PI4KA: variants seen among roughly 807,000 people sequenced by gnomAD.
The protein encoded by PI4KA is phosphatidylinositol 4-kinase alpha, also known as PI4-kinase alpha.
Under a neutral mutation model 271.4 loss-of-function variants are expected in PI4KA, and 122 were observed. That is an observed-to-expected ratio of 0.45 (90% confidence interval 0.39 to 0.52). PI4KA has a LOEUF of 0.52. Ranked by LOEUF, PI4KA falls within the 20% of genes least tolerant of loss-of-function variation. PI4KA has a pLI of 0.00. For missense variants in PI4KA, 1,969 were observed against 2,769.1 expected, an observed-to-expected ratio of 0.71 and a Z score of 6.48; for synonymous variants, 1,041 against 1,078.8, an observed-to-expected ratio of 0.96 and a Z score of 0.69.
At chr22:20,847,080 G>A (rs1246906905) in intron 1 of PI4KA, among the ~76,000 whole-genome samples, 1 of 151,270 alleles carries the variant, frequency 6.6e-6, no homozygotes, top group African/African-American at 2.4e-5. Context: ...CCGAGGAGGT[G>A]GAGGTTGCAG....
chr22:20,798,780 G>A lies in PI4KA; in HGVS notation c.2005-93C>T. 2 of 858,568 alleles carry A rather than the reference G, an allele frequency of 2.3e-6. 1 individual carries two copies. Among genetic ancestry groups the A allele is most frequent in the Admixed American group, 3.7e-5 (2 of 54,520 alleles). The allele number at this position is 858,568 out of a possible 1,614,324, so 53.2% of individuals were successfully genotyped here. ...AGAGAGAAAGCTCTGGAATCCTGGG[G>A]CACAACAGCCCAAAGACTATCAGCC... is the stretch of plus-strand genomic sequence containing the variant. On this transcript the variant is annotated intron_variant, in intron 16 of 54. Transcript: ENST00000255882.
intron 1 of PI4KA, among the ~76,000 whole-genome samples, chr22:20,856,859 G>C (rs1284265795): frequency 6.6e-6 from 1 of 152,220 alleles, no homozygotes; most frequent in East Asian, 1.9e-4. Flanking sequence ...GCCCTTTTCT[G>C]AGTTACTGAG....
chr22:20,784,208 C>T (rs17853377), intron 19 of PI4KA: 15 of 1,613,988 alleles, frequency 9.3e-6, no homozygotes, highest in Admixed American at 8.3e-5. Flanking sequence ...ACTGACACCC[C>T]GGGTGGTGGA....
intron 43 of PI4KA, among the ~76,000 whole-genome samples, chr22:20,720,844 C>T (rs997388805): frequency 6.6e-6 from 1 of 152,192 alleles, no homozygotes; most frequent in Non-Finnish European, 1.5e-5. Context: ...TTCTGAAATT[C>T]TGTCTTAATC....
chr22:20,780,243 T>C (rs776282708), intron 19 of PI4KA: 2 of 1,613,602 alleles, frequency 1.2e-6, no homozygotes, highest in Admixed American at 1.7e-5. Context: ...ACCCACAACA[T>C]ACTATTTTTG....
intron 1 of PI4KA, among the ~76,000 whole-genome samples, chr22:20,843,542 A>C (rs1925863657): frequency 6.6e-6 from 1 of 152,130 alleles, no homozygotes; most frequent in African/African-American, 2.4e-5. Flanking sequence ...GAATATACCG[A>C]AGTTCATGTG....
At position 20,807,405 on chromosome 22, in the gene PI4KA, C is replaced by T; in HGVS notation, c.1125G>A (p.Leu375=). 6.2e-7 allele frequency: 1 copy of T among 1,613,690 alleles called. No individual in the cohort carries two copies. Among genetic ancestry groups the T allele is most frequent in the Non-Finnish European group, 8.5e-7 (1 of 1,179,670 alleles). ...YYTSFSDPLY[L]TMFKMLRDTL... ...TGTCACGCAGCATCTTGAACATGGT[C>T]AGGTAGAGAGGGTCACTGAAGGAAG... Residue 375 remains leucine (L), a synonymous_variant, in exon 10 of 55, where the codon CTG becomes CTA. Coordinates refer to ENST00000255882, the MANE Select transcript of PI4KA (RefSeq NM_058004.4).
At chr22:20,806,883 A>C (rs562780604) in intron 10 of PI4KA, among the ~76,000 whole-genome samples, 2 of 151,800 alleles carry the variant, frequency 1.3e-5, no homozygotes, top group African/African-American at 2.4e-5. Context: ...GGTGCATGCC[A>C]CTGCGCCTGG....
At chr22:20,801,924 C>T (rs375971463) in intron 14 of PI4KA, 49 bp downstream of exon 14, 140 of 1,595,720 alleles carry the variant, frequency 8.8e-5, no homozygotes, top group Non-Finnish European at 1.1e-4. Context: ...TGTAATAACC[C>T]GCTTGTCTGG....
At chr22:20,825,866 C>T (rs1331223186) in intron 3 of PI4KA, among the ~76,000 whole-genome samples, 1 of 152,126 alleles carries the variant, frequency 6.6e-6, no homozygotes, top group Non-Finnish European at 1.5e-5. Context: ...GTAGTTTTCC[C>T]ATCCTCACCT....
chr22:20,739,037 C>CAAAAA (rs1214493282), intron 32 of PI4KA, among the ~76,000 whole-genome samples: 1 of 45,620 alleles, frequency 2.2e-5, no homozygotes, highest in Admixed American at 2.7e-4. Context: ...GACTCAGTCA[C>CAAAAA]AAAAAAAAAA....
intron 28 of PI4KA, among the ~76,000 whole-genome samples, chr22:20,748,744 A>G (rs1012302946): frequency 6.6e-6 from 1 of 152,222 alleles, no homozygotes. Flanking sequence ...CTTGGACACT[A>G]TGACGATGAA....
At chr22:20,759,847 G>A (rs1931773555) in intron 23 of PI4KA, among the ~76,000 whole-genome samples, 2 of 152,072 alleles carry the variant, frequency 1.3e-5, no homozygotes, top group South Asian at 4.1e-4. Context: ...TTACAAGTGT[G>A]AGTCACCGCA....
intron 1 of PI4KA, 49 bp downstream of exon 1, chr22:20,858,521 A>G: frequency 8.0e-7 from 1 of 1,253,142 alleles, no homozygotes; most frequent in Non-Finnish European, 1.0e-6. Flanking sequence ...ACGCTTCGTC[A>G]CCCCAGCCCC....
At position 20,858,755 on chromosome 22, in the gene PI4KA, G is replaced by T; in HGVS notation, c.-30C>A. On this transcript the variant is annotated 5_prime_UTR_variant, in exon 1 of 55. Transcript: ENST00000255882. ...TCACGAGCCGCGGCGCTGCCCGCCG[G>T]CTCCCCGCTCCTGGCCCGCGAGCGC... The T allele has an allele frequency of 7.3e-7, 1 of 1,366,496 alleles. No homozygotes were observed. Among genetic ancestry groups the T allele is most frequent in the Non-Finnish European group, 9.5e-7 (1 of 1,057,478 alleles). 84.6% of individuals were successfully genotyped at this position (1,366,496 alleles called of 1,614,324 possible). A position where few individuals can be genotyped will look rare whatever the true frequency, so the allele number is the denominator to read the frequency against.
At chr22:20,716,320 G>GA (rs1364707245) in intron 45 of PI4KA, among the ~76,000 whole-genome samples, 1 of 152,240 alleles carries the variant, frequency 6.6e-6, no homozygotes, top group African/African-American at 2.4e-5. Context: ...CCAAAGTGCT[G>GA]GGATTACAGG....
Position 20,733,022 on chromosome 22 carries a change from C to T in PI4KA, c.4237G>A (p.Ala1413Thr), listed in dbSNP as rs567743500. The change falls in exon 36 of 55, where the codon GCC becomes ACC. Residue 1413 changes from alanine (A) to threonine (T), a missense_variant. By Grantham distance (58) the Ala-to-Thr change is moderately conservative. Coordinates refer to ENST00000255882, the MANE Select transcript of PI4KA (RefSeq NM_058004.4). ...AGGTACTTCTTATCTGAGAACATGGCGGTCCAAAATTTAATCATGATGCTT... is the reference window on the plus strand; with the variant it reads ...AGGTACTTCTTATCTGAGAACATGGTGGTCCAAAATTTAATCATGATGCTT... ...DISIMIKFWT[A>T]MFSDKKYLTA... 6.2e-6 allele frequency: 10 copies of T among 1,610,522 alleles called. No individual in the cohort carries two copies. Among genetic ancestry groups the T allele is most frequent in the East Asian group, 2.2e-5 (1 of 44,852 alleles).
intron 42 of PI4KA, chr22:20,725,839 G>A (rs1927284675): frequency 4.1e-6 from 1 of 241,916 alleles, no homozygotes; most frequent in Non-Finnish European, 8.7e-6. Flanking sequence ...TTGAGCCCGA[G>A]AGGTTGAGGC....
chr22:20,842,407 A>C (rs1230988848), intron 1 of PI4KA, among the ~76,000 whole-genome samples: 1 of 152,358 alleles, frequency 6.6e-6, no homozygotes, highest in East Asian at 1.9e-4. Context: ...AGTCTGTGGC[A>C]ATTTATTTAC....
Sources: gnomAD v4.1 joint callset for allele counts (sites outside exome capture counted in the v4.1 genomes callset) on GRCh38, gnomAD v4.1.1 for gene constraint, MANE v1.5 for transcripts, NCBI Gene and HGNC (gene_info 2026-07-23, HGNC 2026-07-21) for gene names.